ZNF358: variants seen among roughly 807,000 people sequenced by gnomAD.
The protein encoded by ZNF358 is zinc finger protein 358.
A neutral mutation model predicts 2.1 loss-of-function variants in ZNF358; 1 was observed. That is an observed-to-expected ratio of 0.49 (90% CI 0.17 to 2.30). The LOEUF (loss-of-function observed/expected upper bound fraction) is 2.30, where lower values mean the gene tolerates loss of function less well. ZNF358 is among the 30% of genes most tolerant of loss of function. The pLI is 0.26. For synonymous variants in ZNF358, 381 were observed against 359.7 expected (o/e 1.06, Z -0.67); for missense variants, 665 against 806.8 (o/e 0.82, Z 2.13).
rs61742775 is a variant in ZNF358, at chr19:7,519,443, C to G, written c.201C>G (p.Val67=). ...CCAGCTATGAAGATCTGGAGCCCGT[C>G]TCGGAGGATCTGGACCCCGACGCCG... ...VDPSYEDLEP[V]SEDLDPDAEA... The change falls in exon 2 of 2, where the codon GTC becomes GTG. Residue 67 remains valine (V), a synonymous_variant. Coordinates refer to ENST00000597229, the MANE Select transcript of ZNF358 (RefSeq NM_018083.5). The G allele has an allele frequency of 6.6e-3, 10,636 of 1,614,144 alleles. 107 individuals carry two copies. The highest frequency in any genetic ancestry group is 0.038 in the African/African-American group (2,826 of 75,046).
chr19:7,520,182 A>T lies in ZNF358; in HGVS notation c.940A>T (p.Thr314Ser). The T allele has an allele frequency of 6.2e-7, 1 of 1,600,472 alleles. No individual in the cohort carries two copies. The highest frequency in any genetic ancestry group is 1.1e-5 in the South Asian group (1 of 90,944). The change falls in exon 2 of 2, where the codon ACG becomes TCG. Residue 314 changes from threonine (T) to serine (S), a missense_variant. Physicochemically the swap from Thr to Ser is moderately conservative, Grantham distance 58 (BLOSUM62 1). Coordinates refer to ENST00000597229, the MANE Select transcript of ZNF358 (RefSeq NM_018083.5). The surrounding 1 kb of genome is among the most constrained non-coding windows in gnomAD (Gnocchi z 6.0). Reference sequence around the variant, plus strand: ...GCTGCTGCAGCACCAGCGCACACACACGGCCGAGCGCCCCTACCGCTGCCC... The same window carrying T: ...GCTGCTGCAGCACCAGCGCACACACTCGGCCGAGCGCCCCTACCGCTGCCC... ...SALLQHQRTH[T>S]AERPYRCPHC...
In ZNF358 at chr19:7,519,547, T is replaced by A; in HGVS notation, c.305T>A (p.Val102Glu). ...CTCGATCCAGATGTGATTGGCCCCG[T>A]ACCCCTGATTCTCGATCCTAACAGC... is the stretch of plus-strand genomic sequence containing the variant. Reference protein sequence around the residue: ...FDLDPDVIGPVPLILDPNSDT... With the variant: ...FDLDPDVIGPEPLILDPNSDT... Residue 102 changes from valine to glutamate, a missense_variant, in exon 2 of 2, where the codon GTA becomes GAA. Transcript: ENST00000597229. The A allele has an allele frequency of 6.2e-7, 1 of 1,605,240 alleles. No homozygotes were observed. Among genetic ancestry groups the A allele is most frequent in the Non-Finnish European group, 8.5e-7 (1 of 1,179,892 alleles).
intron 1 of ZNF358, among the ~76,000 whole-genome samples, chr19:7,517,120 C>T (rs1041703691): frequency 6.6e-6 from 1 of 152,198 alleles, no homozygotes; most frequent in African/African-American, 2.4e-5. Context: ...GACACCTCAA[C>T]ACCCAGCCAT....
At position 7,519,747 on chromosome 19, in the gene ZNF358, C is replaced by A; in HGVS notation, c.505C>A (p.His169Asn). 1.9e-6 allele frequency: 3 copies of A among 1,540,222 alleles called. No homozygotes were observed. The highest frequency in any genetic ancestry group is 2.6e-6 in the Non-Finnish European group (3 of 1,150,492). Residue 169 changes from histidine to asparagine, a missense_variant, in exon 2 of 2, where the codon CAT becomes AAT. His to Asn is a moderately conservative substitution (Grantham distance 68). Around this residue, in one of 3 missense-constraint regions of ZNF358, gnomAD observed 210 missense variants for 350.8 expected, o/e 0.60. Transcript: ENST00000597229. Reference protein sequence around the residue: ...AFRRSSGLSQHRRTHSGEKPY... With the variant: ...AFRRSSGLSQNRRTHSGEKPY... ...CCGCCGCAGCTCCGGGCTGAGCCAGCATCGCCGCACGCACAGCGGCGAGAA... is the reference window on the plus strand; with the variant it reads ...CCGCCGCAGCTCCGGGCTGAGCCAGAATCGCCGCACGCACAGCGGCGAGAA...
chr19:7,520,439 TGCAGCCGCTGCTGCAGCTGCCGCGGCC>T lies in ZNF358; in HGVS notation c.1200_1226del (p.Ala408_Ala416del), dbSNP rs2022450104. The T allele has an allele frequency of 6.8e-7, 1 of 1,479,002 alleles. No homozygotes were observed. The highest frequency in any genetic ancestry group is 1.5e-5 in the African/African-American group (1 of 67,274). 91.6% of individuals were successfully genotyped at this position (1,479,002 alleles called of 1,614,324 possible). A position where few individuals can be genotyped will look rare whatever the true frequency, so the allele number is the denominator to read the frequency against. On this transcript the variant is annotated inframe_deletion, in exon 2 of 2. Coordinates refer to ENST00000597229, the MANE Select transcript of ZNF358 (RefSeq NM_018083.5). The surrounding 1 kb of genome is among the most constrained non-coding windows in gnomAD (Gnocchi z 6.0). The stretch of plus-strand genomic sequence containing the variant: ...CCAAGCACAAACGGGTGCATGAGGG[TGCAGCCGCTGCTGCAGCTGCCGCGGCC>T]GCTGCAGCTGCAGCAGCGGCCGCCG...
At position 7,519,959 on chromosome 19, in the gene ZNF358, G is replaced by C; in HGVS notation, c.717G>C (p.Val239=). The change falls in exon 2 of 2, where the codon GTG becomes GTC. Residue 239 remains valine, a synonymous_variant. Coordinates refer to ENST00000597229, the MANE Select transcript of ZNF358 (RefSeq NM_018083.5). ...GGGAGAAGCCGCACCACTGCCCGGT[G>C]TGTGGCAAGGCCTTCGGGCACGGCT... ...HSGEKPHHCP[V]CGKAFGHGSL... 2 of 1,521,074 alleles carry C rather than the reference G, an allele frequency of 1.3e-6. No individual in the cohort carries two copies. The highest frequency in any genetic ancestry group is 1.8e-6 in the Non-Finnish European group (2 of 1,139,194). The allele number at this position is 1,521,074 out of a possible 1,614,324, so 94.2% of individuals were successfully genotyped here.
At position 7,519,701 on chromosome 19, in the gene ZNF358, C is replaced by G; in HGVS notation, c.459C>G (p.Cys153Trp). ...CCAGCCCGCCCCGGCCCTTCTCCTG[C>G]CCGGATTGCGGGCGAGCCTTCCGCC... The part of the protein sequence containing the change: ...APASPPRPFS[C>W]PDCGRAFRRS... Residue 153 changes from cysteine (C) to tryptophan (W), a missense_variant, in exon 2 of 2, where the codon TGC (cysteine) becomes TGG (tryptophan). Physicochemically the swap from Cys to Trp is radical, Grantham distance 215. Coordinates refer to ENST00000597229, the MANE Select transcript of ZNF358 (RefSeq NM_018083.5). 6.3e-7 allele frequency: 1 copy of G among 1,585,420 alleles called. No homozygotes were observed. Among genetic ancestry groups the G allele is most frequent in the Non-Finnish European group, 8.5e-7 (1 of 1,173,382 alleles).
chr19:7,518,594 A>AGAAAGAAAGAAAGAAAGAAG (rs2022392881), intron 1 of ZNF358, among the ~76,000 whole-genome samples: 1 of 150,284 alleles, frequency 6.7e-6, no homozygotes, highest in Non-Finnish European at 1.5e-5. Context: ...AAAGAAAGAA[A>AGAAAGAAAGAAAGAAAGAAG]GAAAGAATTG....
chr19:7,520,973 G>A lies in ZNF358; in HGVS notation c.*24G>A, dbSNP rs775337205. 6.9e-6 allele frequency: 11 copies of A among 1,605,630 alleles called. No homozygotes were observed. In the East Asian group the frequency reaches 1.6e-4, roughly 23 times the overall value. On this transcript the variant is annotated 3_prime_UTR_variant, in exon 2 of 2. Coordinates refer to ENST00000597229, the MANE Select transcript of ZNF358 (RefSeq NM_018083.5). The surrounding 1 kb of genome is among the most constrained non-coding windows in gnomAD (Gnocchi z 6.0). ...GAAGGAGACGCCGGCATCCTCGGGG[G>A]CCTGGGGAAGTTGTGTGTTGTGCAG... is the stretch of plus-strand genomic sequence containing the variant.
intron 1 of ZNF358, among the ~76,000 whole-genome samples, chr19:7,518,648 G>A (rs1261204640): frequency 6.6e-6 from 1 of 152,152 alleles, no homozygotes; most frequent in Non-Finnish European, 1.5e-5. Context: ...CCAGCTACTT[G>A]AGAGGCCGAG....
chr19:7,518,449 A>G (rs544509211), intron 1 of ZNF358, among the ~76,000 whole-genome samples: 1 of 151,628 alleles, frequency 6.6e-6, no homozygotes, highest in East Asian at 1.9e-4. Flanking sequence ...CATCTCAAAA[A>G]AGAGAGACAG....
At position 7,519,664 on chromosome 19, in the gene ZNF358, T is replaced by A; in HGVS notation, c.422T>A (p.Leu141His). 16 of 1,574,916 alleles carry A rather than the reference T, an allele frequency of 1.0e-5. No homozygotes were observed. The highest frequency in any genetic ancestry group is 1.4e-5 in the Non-Finnish European group (16 of 1,167,858). The change falls in exon 2 of 2, where the codon CTC becomes CAC. Residue 141 changes from leucine (L) to histidine (H), a missense_variant. This residue lies in a region of ZNF358 where 206 missense variants were observed against 228.4 expected (regional missense o/e 0.90). Transcript: ENST00000597229. ...PQVLATSPAV[L>H]PAPASPPRPF... Reference sequence around the variant, plus strand: ...GTCTTGGCCACCAGCCCCGCGGTGCTCCCCGCCCCCGCCAGCCCGCCCCGG... The same window carrying A: ...GTCTTGGCCACCAGCCCCGCGGTGCACCCCGCCCCCGCCAGCCCGCCCCGG...
chr19:7,515,478 G>A (rs2022323767), upstream of ZNF358: 1 of 152,276 alleles, frequency 6.6e-6, no homozygotes, highest in Admixed American at 6.5e-5. Flanking sequence ...CAGAAAGGGT[G>A]ACGGGTTTCA....
intron 1 of ZNF358, among the ~76,000 whole-genome samples, chr19:7,518,125 T>C (rs1426523081): frequency 6.6e-6 from 1 of 152,054 alleles, no homozygotes; most frequent in Non-Finnish European, 1.5e-5. Context: ...TGGAGAGAGG[T>C]GCAGAGCCAT....
At position 7,520,552 on chromosome 19, in the gene ZNF358, T is replaced by C. The variant is rs1359573269; in HGVS notation, c.1310T>C (p.Leu437Pro). ...ATGATGAGGCCGGGGCAGGTCTCCC[T>C]CCTGGGTCCTGATGCTGTTTCTGTG... ...ASMMRPGQVS[L>P]LGPDAVSVLG... Residue 437 changes from leucine to proline, a missense_variant, in exon 2 of 2, where the codon CTC becomes CCC. By Grantham distance (98) the Leu-to-Pro change is moderately conservative (BLOSUM62 -3). Coordinates refer to ENST00000597229, the MANE Select transcript of ZNF358 (RefSeq NM_018083.5). The surrounding 1 kb of genome is among the most constrained non-coding windows in gnomAD (Gnocchi z 6.0). The C allele has an allele frequency of 1.6e-6, 2 of 1,266,872 alleles. No homozygotes were observed. Among genetic ancestry groups the C allele is most frequent in the African/African-American group, 3.0e-5 (2 of 67,136 alleles). The allele number at this position is 1,266,872 out of a possible 1,614,324, so 78.5% of individuals were successfully genotyped here. A position where few individuals can be genotyped will look rare whatever the true frequency, so the allele number is the denominator to read the frequency against.
At chr19:7,518,887 A>ACCACTTGAGGTCAGGAGTTC (rs2022400270) in intron 1 of ZNF358, among the ~76,000 whole-genome samples, 1 of 152,096 alleles carries the variant, frequency 6.6e-6, no homozygotes, top group Non-Finnish European at 1.5e-5. Flanking sequence ...TAACATGCTG[A>ACCACTTGAGGTCAGGAGTTC]AATCCCATCT....
Position 7,516,145 on chromosome 19 carries a change from A to C in ZNF358, c.-143A>C. ...AGCGCCTGGCGGGGCCGCTGGGCCG[A>C]GGGGGCCGCCGGCGGGGCTGGCGGG... On this transcript the variant is annotated 5_prime_UTR_variant, in exon 1 of 2. Coordinates refer to ENST00000597229, the MANE Select transcript of ZNF358 (RefSeq NM_018083.5). This position sits in a 1 kb window ranked among gnomAD's most constrained non-coding sequence, Gnocchi z 5.9. 3 of 131,772 alleles carry C rather than the reference A, an allele frequency of 2.3e-5. No homozygotes were observed. The highest frequency in any genetic ancestry group is 2.4e-4 in the South Asian group (1 of 4,114). 8.2% of individuals were successfully genotyped at this position (131,772 alleles called of 1,614,324 possible).
Position 7,520,554 on chromosome 19 carries a change from C to G in ZNF358, c.1312C>G (p.Leu438Val). 3 of 1,275,268 alleles carry G rather than the reference C, an allele frequency of 2.4e-6. No individual in the cohort carries two copies. Among genetic ancestry groups the G allele is most frequent in the Non-Finnish European group, 3.4e-6 (3 of 895,502 alleles). 79.0% of individuals were successfully genotyped at this position (1,275,268 alleles called of 1,614,324 possible). ...SMMRPGQVSL[L>V]GPDAVSVLGS... ...GATGAGGCCGGGGCAGGTCTCCCTC[C>G]TGGGTCCTGATGCTGTTTCTGTGCT... The change falls in exon 2 of 2, where the codon CTG becomes GTG. Residue 438 changes from leucine (L) to valine (V), a missense_variant. Coordinates refer to ENST00000597229, the MANE Select transcript of ZNF358 (RefSeq NM_018083.5). The surrounding 1 kb of genome is among the most constrained non-coding windows in gnomAD (Gnocchi z 6.0).
intron 1 of ZNF358, among the ~76,000 whole-genome samples, chr19:7,518,585 A>AAGAAAGAAAGAAAGAAAGAG (rs1188765593): frequency 1.3e-5 from 2 of 149,520 alleles, no homozygotes; most frequent in Non-Finnish European, 3.0e-5. Flanking sequence ...GAAAGAAAGA[A>AAGAAAGAAAGAAAGAAAGAG]AGAAAGAAAG....
Sources: gnomAD v4.1 joint callset for allele counts (sites outside exome capture counted in the v4.1 genomes callset) on GRCh38, gnomAD v4.1.1 for gene constraint, gnomAD v4.1.1 regional missense constraint, Gnocchi (gnomAD v3.1) non-coding constraint, MANE v1.5 for transcripts, NCBI Gene and HGNC (gene_info 2026-07-23, HGNC 2026-07-21) for gene names.